The following RNF13 variants were observed in gnomAD, a reference collection of about 807,000 sequenced individuals.
RNF13 encodes the protein ring finger protein 13.
Under a neutral mutation model 37.7 loss-of-function variants are expected in RNF13, and 19 were observed. That is an observed-to-expected ratio of 0.50 (90% CI 0.35 to 0.74). The LOEUF is 0.74. RNF13 is among the 30% of genes least tolerant of loss of function. The probability of loss-of-function intolerance (pLI) is 0.01; values close to 1 mark genes in which losing one functional copy is unlikely to be tolerated. For synonymous variants in RNF13, 144 were observed against 157.8 expected, an observed-to-expected ratio of 0.91 and a Z score of 0.65; for missense variants, 375 against 453.0, an observed-to-expected ratio of 0.83 and a Z score of 1.56.
intron 8 of RNF13, among the ~76,000 whole-genome samples, chr3:149,958,921 G>A (rs1353227763): frequency 1.3e-5 from 2 of 152,108 alleles, no homozygotes; most frequent in African/African-American, 2.4e-5. Context: ...TTTCTATTTC[G>A]GGCTTCTCCT....
intron 1 of RNF13, among the ~76,000 whole-genome samples, chr3:149,843,478 A>G (rs1277993389): frequency 6.6e-6 from 1 of 152,228 alleles, no homozygotes; most frequent in African/African-American, 2.4e-5. Context: ...AATAGAGACT[A>G]TAAAGCAAAA....
intron 8 of RNF13, among the ~76,000 whole-genome samples, chr3:149,949,934 A>T (rs1721149000): frequency 6.6e-6 from 1 of 151,898 alleles, no homozygotes; most frequent in Non-Finnish European, 1.5e-5. Flanking sequence ...TGCATATGCT[A>T]CATTTTCTGT....
intron 3 of RNF13, among the ~76,000 whole-genome samples, chr3:149,857,193 A>C (rs888494035): frequency 1.3e-5 from 2 of 152,226 alleles, no homozygotes; most frequent in African/African-American, 2.4e-5. Context: ...TTATAGTATA[A>C]TATATCAGTT....
intron 8 of RNF13, among the ~76,000 whole-genome samples, chr3:149,953,470 GTCT>G (rs1014651158): frequency 2.0e-5 from 3 of 152,160 alleles, no homozygotes; most frequent in Admixed American, 2.0e-4. Flanking sequence ...ATAAAAAATG[GTCT>G]TCATCCCTTC....
intron 1 of RNF13, among the ~76,000 whole-genome samples, chr3:149,844,835 A>T (rs149470920): frequency 1.5e-4 from 23 of 152,258 alleles, no homozygotes; most frequent in African/African-American, 5.5e-4. Context: ...AGTGATTTTT[A>T]GTATATTTAT....
At chr3:149,951,030 A>G (rs146514062) in intron 8 of RNF13, among the ~76,000 whole-genome samples, 57 of 152,238 alleles carry the variant, frequency 3.7e-4, no homozygotes, top group Admixed American at 7.8e-4. Context: ...TCAGAACATA[A>G]TGCTTCTCCC....
chr3:149,817,916 G>C (rs921514573), intron 1 of RNF13, among the ~76,000 whole-genome samples: 16 of 152,144 alleles, frequency 1.1e-4, no homozygotes, highest in Non-Finnish European at 2.9e-5. Flanking sequence ...ACTTGAAAAA[G>C]GGCTCAGGAC....
chr3:149,903,794 T>G (rs1454147030), intron 6 of RNF13, among the ~76,000 whole-genome samples: 1 of 152,196 alleles, frequency 6.6e-6, no homozygotes, highest in African/African-American at 2.4e-5. Flanking sequence ...TGGCTATTTT[T>G]TCATGTCAGT....
chr3:149,879,660 A>G (rs551007694), intron 4 of RNF13, among the ~76,000 whole-genome samples: 1 of 152,304 alleles, frequency 6.6e-6, no homozygotes, highest in South Asian at 2.1e-4. Context: ...ATATTAAATG[A>G]GCTGATCTTC....
chr3:149,838,211 G>A (rs1440607366), intron 1 of RNF13, among the ~76,000 whole-genome samples: 2 of 152,230 alleles, frequency 1.3e-5, no homozygotes, highest in Non-Finnish European at 2.9e-5. Flanking sequence ...CTGCTTTCAT[G>A]GGCTGGCGTT....
intron 1 of RNF13, among the ~76,000 whole-genome samples, chr3:149,833,118 C>CT (rs34729566): frequency 0.71 from 79,018 of 111,688 alleles, 29,030 homozygotes; most frequent in East Asian, 0.86. Flanking sequence ...CTCTCTCTCT[C>CT]TTTTTTTTTT....
intron 1 of RNF13, among the ~76,000 whole-genome samples, chr3:149,819,269 G>A (rs1257130653): frequency 1.3e-5 from 2 of 152,148 alleles, no homozygotes; most frequent in Non-Finnish European, 2.9e-5. Flanking sequence ...ATAAACTAAT[G>A]TTTAAGAAAA....
chr3:149,933,581 T>G (rs1325262961), intron 8 of RNF13, among the ~76,000 whole-genome samples: 1 of 144,992 alleles, frequency 6.9e-6, no homozygotes, highest in African/African-American at 2.4e-5. Flanking sequence ...TTCTTTTCTT[T>G]CTTCTTTTTT....
chr3:149,953,168 C>G (rs890791278), intron 8 of RNF13, among the ~76,000 whole-genome samples: 2 of 151,752 alleles, frequency 1.3e-5, no homozygotes, highest in Non-Finnish European at 2.9e-5. Context: ...AAGTGGATAT[C>G]AATTCCTAGA....
At chr3:149,948,367 T>TA (rs1410086738) in intron 8 of RNF13, among the ~76,000 whole-genome samples, 1 of 152,228 alleles carries the variant, frequency 6.6e-6, no homozygotes, top group Admixed American at 6.5e-5. Flanking sequence ...TTAAAATAAT[T>TA]ACTGACAGGA....
chr3:149,834,872 G>A (rs73870440), intron 1 of RNF13, among the ~76,000 whole-genome samples: 4,057 of 152,184 alleles, frequency 0.027, 70 homozygotes, highest in South Asian at 0.037. Context: ...CCTTTATAGC[G>A]ACACAAATGG....
At chr3:149,814,367 G>GT (rs1443995652) in intron 1 of RNF13, 3 of 152,186 alleles carry the variant, frequency 2.0e-5, no homozygotes, top group Non-Finnish European at 4.4e-5. Flanking sequence ...TTTAAGCACA[G>GT]TTTTTTAATG....
At chr3:149,916,570 A>G (rs1243220293) in intron 7 of RNF13, among the ~76,000 whole-genome samples, 1 of 152,306 alleles carries the variant, frequency 6.6e-6, no homozygotes, top group Middle Eastern at 3.4e-3. Flanking sequence ...CTTTATTTTT[A>G]TCATGAATTT....
At chr3:149,860,961 A>T (rs1035127068) in intron 3 of RNF13, among the ~76,000 whole-genome samples, 11 of 152,280 alleles carry the variant, frequency 7.2e-5, no homozygotes, top group Non-Finnish European at 1.5e-4. Flanking sequence ...CTAAACAGAT[A>T]TTTTTCAAAA....
Sources: gnomAD v4.1 joint callset for allele counts (sites outside exome capture counted in the v4.1 genomes callset) on GRCh38, gnomAD v4.1.1 for gene constraint, MANE v1.5 for transcripts, NCBI Gene and HGNC (gene_info 2026-07-23, HGNC 2026-07-21) for gene names.